Variants in SOX13 observed in about 807,000 individuals in gnomAD.
SOX13 encodes transcription factor SOX-13.
In SOX13, 28 loss-of-function variants were observed where a neutral mutation model predicts 71.8. The observed-to-expected ratio is 0.39, with a 90% CI of 0.29 to 0.53. SOX13 has a LOEUF of 0.53. Ranked by LOEUF, SOX13 falls within the 20% of genes least tolerant of loss-of-function variation. The pLI is 0.70. For synonymous variants in SOX13, 309 were observed against 317.8 expected, an observed-to-expected ratio of 0.97 and a Z score of 0.29; for missense variants, 627 against 810.3, an observed-to-expected ratio of 0.77 and a Z score of 2.75.
chr1:204,079,395 G>GA (rs1655853774), intron 1 of SOX13, among the ~76,000 whole-genome samples: 1 of 132,778 alleles, frequency 7.5e-6, no homozygotes. Flanking sequence ...GCCCAGGCCT[G>GA]AGTGCAGTGG....
intron 1 of SOX13, among the ~76,000 whole-genome samples, chr1:204,080,489 C>T (rs1052893656): frequency 8.5e-5 from 13 of 152,130 alleles, no homozygotes; most frequent in Non-Finnish European, 1.5e-4. Flanking sequence ...CTGGAGCTCC[C>T]TGGGGGATCC....
intron 1 of SOX13, among the ~76,000 whole-genome samples, chr1:204,102,783 G>C (rs1362926435): frequency 6.6e-6 from 1 of 151,946 alleles, no homozygotes; most frequent in South Asian, 2.1e-4. Context: ...CTATGGGGTA[G>C]GTGTTATTTG....
intron 1 of SOX13, among the ~76,000 whole-genome samples, chr1:204,076,921 C>G (rs1655797353): frequency 6.6e-6 from 1 of 152,240 alleles, no homozygotes; most frequent in Admixed American, 6.5e-5. Flanking sequence ...AAAGAGGCTT[C>G]TTTCTATTGT....
At chr1:204,112,685 C>T (rs893041034) in intron 1 of SOX13, among the ~76,000 whole-genome samples, 11 of 152,186 alleles carry the variant, frequency 7.2e-5, no homozygotes, top group Admixed American at 1.3e-4. Context: ...TTCTCTAGAA[C>T]TTTTTGTTTA....
intron 1 of SOX13, among the ~76,000 whole-genome samples, chr1:204,102,038 AGTTGGCTAGTTAAGACG>A (rs1656370329): frequency 6.6e-6 from 1 of 152,234 alleles, no homozygotes. Flanking sequence ...GAGTTAAACT[AGTTGGCTAGTTAAGACG>A]GATGCTGGGT....
chr1:204,090,408 CTTTTTT>C (rs67694415), intron 1 of SOX13, among the ~76,000 whole-genome samples: 1 of 118,562 alleles, frequency 8.4e-6, no homozygotes, highest in Admixed American at 8.7e-5. Flanking sequence ...TCTTCTTCTT[CTTTTTT>C]TTTTTTTTTT....
rs1326388350 is a variant in SOX13, at chr1:204,117,837, G to A, written c.775+130G>A. 8.0e-6 allele frequency: 5 copies of A among 626,416 alleles called. No individual in the cohort carries two copies. In the East Asian group the frequency reaches 1.4e-4, roughly 17 times the overall value. The allele number at this position is 626,416 out of a possible 1,614,324, so 38.8% of individuals were successfully genotyped here. On this transcript the variant is annotated intron_variant, in intron 7 of 13. Coordinates refer to ENST00000367204, the MANE Select transcript of SOX13 (RefSeq NM_005686.3). ...TGGGCCTCAGTTTTGGATCTGTCTG[G>A]TAGAAGAATCATCCTCTTTTTCTGA...
Position 204,114,539 on chromosome 1 carries a change from C to T in SOX13, c.352C>T (p.Leu118=). The change falls in exon 4 of 14, where the codon CTG becomes TTG. Residue 118 remains leucine, a synonymous_variant. Coordinates refer to ENST00000367204, the MANE Select transcript of SOX13 (RefSeq NM_005686.3). ...TCCAGTGGTGCCAGCCATAGAGAAG[C>T]TGTTGTCCAGTGACTGGAAGGAGAG... is the stretch of plus-strand genomic sequence containing the variant. ...LKEVVPAIEK[L]LSSDWKERFL... 1 of 1,613,812 alleles carries T rather than the reference C, an allele frequency of 6.2e-7. No homozygotes were observed. The highest frequency in any genetic ancestry group is 8.5e-7 in the Non-Finnish European group (1 of 1,179,754).
chr1:204,099,424 CTTTTTTTTT>C (rs200311750), intron 1 of SOX13, among the ~76,000 whole-genome samples: 157 of 93,490 alleles, frequency 1.7e-3, no homozygotes, highest in African/African-American at 6.1e-3. Flanking sequence ...CTTTTTCTGG[CTTTTTTTTT>C]TTTTTTTTTT....
intron 1 of SOX13, among the ~76,000 whole-genome samples, chr1:204,102,799 A>T (rs914890292): frequency 6.6e-6 from 1 of 151,992 alleles, no homozygotes; most frequent in Admixed American, 6.6e-5. Context: ...ATTTGTTCCC[A>T]TTTTAGAGAT....
intron 1 of SOX13, among the ~76,000 whole-genome samples, chr1:204,076,212 GTC>G (rs1201284260): frequency 6.6e-6 from 1 of 152,184 alleles, no homozygotes; most frequent in Non-Finnish European, 1.5e-5. Context: ...GGAAGGAATT[GTC>G]TCCAAAAGGG....
intron 1 of SOX13, among the ~76,000 whole-genome samples, chr1:204,085,872 C>T (rs541960656): frequency 2.7e-5 from 4 of 150,624 alleles, no homozygotes; most frequent in Non-Finnish European, 4.4e-5. Context: ...CCCAGCTACT[C>T]GGGAGGCTGA....
intron 1 of SOX13, among the ~76,000 whole-genome samples, chr1:204,105,355 G>C (rs1423775022): frequency 5.9e-5 from 9 of 152,114 alleles, no homozygotes; most frequent in Non-Finnish European, 1.2e-4. Flanking sequence ...AGGGAGGGCA[G>C]AGCAGAGATG....
chr1:204,124,586 G>A, intron 12 of SOX13, 55 bp from the exon 13 acceptor site: 2 of 1,466,906 alleles, frequency 1.4e-6, no homozygotes, highest in South Asian at 1.2e-5. Context: ...GCATGGGGCT[G>A]GGGGTGGTCA....
chr1:204,078,768 T>A lies in SOX13; in HGVS notation c.-2+5057T>A, dbSNP rs371262870. Reference sequence around the variant, plus strand: ...TTTGCCTCGGTGACTACCCCCCTTTTGACTGGCCCTTCCTTAGTTCTTGGG... The same window carrying A: ...TTTGCCTCGGTGACTACCCCCCTTTAGACTGGCCCTTCCTTAGTTCTTGGG... On this transcript the variant is annotated intron_variant, in intron 1 of 13. Coordinates refer to ENST00000367204, the MANE Select transcript of SOX13 (RefSeq NM_005686.3). Among the ~76,000 whole-genome samples, 396 of 152,356 alleles carry A rather than the reference T, an allele frequency of 2.6e-3. 2 individuals carry two copies. The highest frequency in any genetic ancestry group is 9.1e-3 in the African/African-American group (377 of 41,584).
At chr1:204,079,995 C>T (rs1334123798) in intron 1 of SOX13, among the ~76,000 whole-genome samples, 2 of 151,908 alleles carry the variant, frequency 1.3e-5, no homozygotes, top group East Asian at 1.9e-4. Flanking sequence ...AGCTAGGAGA[C>T]GTCCCGAGAT....
At chr1:204,110,157 C>A (rs935049673) in intron 1 of SOX13, among the ~76,000 whole-genome samples, 1 of 151,594 alleles carries the variant, frequency 6.6e-6, no homozygotes, top group Non-Finnish European at 1.5e-5. Flanking sequence ...TGAGATAGGG[C>A]CTTGCTCTGT....
intron 12 of SOX13, 86 bp from the exon 13 acceptor site, chr1:204,124,555 A>T: frequency 8.7e-7 from 1 of 1,145,006 alleles, no homozygotes; most frequent in Non-Finnish European, 1.3e-6. Flanking sequence ...CCACCTGGGG[A>T]TCAAGGTCTT....
chr1:204,099,229 T>C (rs1296445015), intron 1 of SOX13, among the ~76,000 whole-genome samples: 1 of 152,220 alleles, frequency 6.6e-6, no homozygotes, highest in African/African-American at 2.4e-5. Flanking sequence ...CCTTGGGCAA[T>C]GGCTTAGCCT....
Sources: allele counts gnomAD v4.1 joint callset (sites outside exome capture counted in the v4.1 genomes callset), GRCh38; gene constraint gnomAD v4.1.1; transcripts MANE v1.5; gene names NCBI Gene and HGNC (gene_info 2026-07-23, HGNC 2026-07-21).